Variants in DIS3L2 observed in about 807,000 individuals in gnomAD.
The protein encoded by DIS3L2 is DIS3-like exonuclease 2.
A neutral mutation model predicts 97.5 loss-of-function variants in DIS3L2; 34 were observed. The ratio of observed to expected loss-of-function variants is 0.35; its 90% CI spans 0.27 to 0.46. DIS3L2 has a LOEUF of 0.46. Ranked by LOEUF, DIS3L2 falls within the 20% of genes least tolerant of loss-of-function variation. The pLI is 1.00. For missense variants in DIS3L2, 1,038 were observed against 1,146.0 expected (o/e 0.91, Z 1.36); for synonymous variants, 435 against 445.2 (o/e 0.98, Z 0.29).
chr2:232,333,119 C>T (rs1191712184), intron 16 of DIS3L2, among the ~76,000 whole-genome samples: 3 of 151,516 alleles, frequency 2.0e-5, no homozygotes, highest in African/African-American at 7.3e-5. Context: ...TCATTGTCCT[C>T]CTCGACCACC....
chr2:232,199,938 T>C (rs1392843544), intron 9 of DIS3L2, among the ~76,000 whole-genome samples: 1 of 152,240 alleles, frequency 6.6e-6, no homozygotes, highest in Non-Finnish European at 1.5e-5. Flanking sequence ...CTAATGTTTT[T>C]CAAATGTATA....
At chr2:232,202,463 A>G (rs1559730601) in intron 9 of DIS3L2, among the ~76,000 whole-genome samples, 1 of 152,218 alleles carries the variant, frequency 6.6e-6, no homozygotes, top group Admixed American at 6.5e-5. Context: ...AGTAGAACCA[A>G]TGAGTAAAGG....
chr2:232,086,940 A>G (rs1696676428), intron 5 of DIS3L2, among the ~76,000 whole-genome samples: 1 of 151,656 alleles, frequency 6.6e-6, no homozygotes, highest in South Asian at 2.1e-4. Context: ...TCAGCCTCCC[A>G]AAAGTGCTGG....
chr2:231,971,322 A>C (rs1030156545), intron 1 of DIS3L2, among the ~76,000 whole-genome samples: 13 of 151,258 alleles, frequency 8.6e-5, no homozygotes, highest in African/African-American at 3.2e-4. Context: ...GCTGGAGTGC[A>C]GTGGCGCGAT....
At chr2:231,987,336 T>C (rs1693445405) in intron 1 of DIS3L2, among the ~76,000 whole-genome samples, 1 of 152,264 alleles carries the variant, frequency 6.6e-6, no homozygotes, top group African/African-American at 2.4e-5. Flanking sequence ...TCTGAAGTAA[T>C]ATGAAATACA....
chr2:232,031,232 G>A (rs1694795250), intron 5 of DIS3L2, among the ~76,000 whole-genome samples: 1 of 152,176 alleles, frequency 6.6e-6, no homozygotes, highest in East Asian at 1.9e-4. Flanking sequence ...CAAAAAAGAT[G>A]TGATGTGAGG....
chr2:232,108,015 C>T (rs1376805078), intron 6 of DIS3L2, among the ~76,000 whole-genome samples: 4 of 152,228 alleles, frequency 2.6e-5, no homozygotes, highest in African/African-American at 9.6e-5. Context: ...AAGGGGACCC[C>T]TCCCTAACTT....
At chr2:232,270,785 C>T (rs1693965516) in intron 13 of DIS3L2, among the ~76,000 whole-genome samples, 1 of 151,772 alleles carries the variant, frequency 6.6e-6, no homozygotes, top group African/African-American at 2.4e-5. Flanking sequence ...AATCAGGGTA[C>T]CTTAGATGGA....
intron 6 of DIS3L2, among the ~76,000 whole-genome samples, chr2:232,125,887 G>C (rs939443157): frequency 6.6e-6 from 1 of 152,170 alleles, no homozygotes; most frequent in Non-Finnish European, 1.5e-5. Context: ...GAAGAGAGGG[G>C]GGCCCATAAG....
chr2:232,205,224 A>G (rs1490865917), intron 9 of DIS3L2, among the ~76,000 whole-genome samples: 1 of 149,094 alleles, frequency 6.7e-6, no homozygotes, highest in Non-Finnish European at 1.5e-5. Flanking sequence ...ATATATATAT[A>G]TATATATATA....
At chr2:232,236,843 C>T (rs2106250084) in intron 10 of DIS3L2, among the ~76,000 whole-genome samples, 1 of 152,268 alleles carries the variant, frequency 6.6e-6, no homozygotes, top group South Asian at 2.1e-4. Flanking sequence ...CCTCTGCCTC[C>T]AAGGTTCAAG....
At chr2:232,143,523 TA>T (rs1690126664) in intron 8 of DIS3L2, among the ~76,000 whole-genome samples, 1 of 152,186 alleles carries the variant, frequency 6.6e-6, no homozygotes, top group Non-Finnish European at 1.5e-5. Flanking sequence ...TTTTTCCAAA[TA>T]CATACATATT....
At chr2:232,172,943 G>A (rs564067759) in intron 9 of DIS3L2, among the ~76,000 whole-genome samples, 5 of 152,242 alleles carry the variant, frequency 3.3e-5, no homozygotes, top group African/African-American at 1.2e-4. Flanking sequence ...TACTCAGATA[G>A]TATCTATTCA....
chr2:232,310,226 G>C (rs938858012), intron 14 of DIS3L2, among the ~76,000 whole-genome samples: 1 of 152,188 alleles, frequency 6.6e-6, no homozygotes, highest in Non-Finnish European at 1.5e-5. Context: ...AGAAAGGGGG[G>C]CTTGAAATCA....
At chr2:232,235,885 A>G (rs546758345) in intron 10 of DIS3L2, among the ~76,000 whole-genome samples, 69 of 152,354 alleles carry the variant, frequency 4.5e-4, no homozygotes, top group African/African-American at 1.6e-3. Context: ...CACTGCTCCC[A>G]GTGACCCAGC....
intron 13 of DIS3L2, among the ~76,000 whole-genome samples, chr2:232,264,228 C>T (rs1280996898): frequency 2.0e-5 from 3 of 152,354 alleles, no homozygotes; most frequent in South Asian, 4.1e-4. Context: ...TACTCACTCA[C>T]TGCTCACCTC....
At chr2:232,113,344 C>T (rs994597841) in intron 6 of DIS3L2, among the ~76,000 whole-genome samples, 3 of 152,226 alleles carry the variant, frequency 2.0e-5, no homozygotes, top group Admixed American at 2.0e-4. Context: ...CATTCCACTA[C>T]TCAGTATTTA....
chr2:232,342,260 C>CACATATACATAT (rs1696126463), intron 13 of DIS3L2, among the ~76,000 whole-genome samples: 1 of 139,768 alleles, frequency 7.2e-6, no homozygotes. Context: ...CACATACACA[C>CACATATACATAT]ATACACATAT....
At chr2:231,974,540 CTT>C (rs35535304) in intron 1 of DIS3L2, among the ~76,000 whole-genome samples, 478 of 131,120 alleles carry the variant, frequency 3.6e-3, no homozygotes, top group Non-Finnish European at 5.2e-3. Context: ...TAATTTGGAT[CTT>C]TTTTTTTTTT....
Sources: allele counts gnomAD v4.1 joint callset (sites outside exome capture counted in the v4.1 genomes callset), GRCh38; gene constraint gnomAD v4.1.1; transcripts MANE v1.5; gene names NCBI Gene and HGNC (gene_info 2026-07-23, HGNC 2026-07-21).